DYNC2H1: variants seen among roughly 807,000 people sequenced by gnomAD.
DYNC2H1 encodes the protein dynein cytoplasmic 2 heavy chain 1.
A neutral mutation model predicts 570.0 loss-of-function variants in DYNC2H1; 410 were observed. That is an observed-to-expected ratio of 0.72 (90% CI 0.66 to 0.78). The LOEUF is 0.78. Ranked by LOEUF, DYNC2H1 falls within the 30% of genes least tolerant of loss-of-function variation. The pLI, the probability that DYNC2H1 is intolerant of heterozygous loss-of-function variation, is 0.00. For synonymous variants in DYNC2H1, 1,688 were observed against 1,677.6 expected (o/e 1.01, Z -0.15); for missense variants, 4,865 against 5,046.4 (o/e 0.96, Z 1.09).
chr11:103,317,108 TCTAAA>T lies in DYNC2H1; in HGVS notation c.11725+489_11725+493del, dbSNP rs374529921. 1.4e-4 allele frequency among the ~76,000 whole-genome samples: 21 copies of T among 152,214 alleles called. No individual in the cohort carries two copies. The East Asian group carries it at 3.9e-3, about 28-fold the overall frequency. ...CCTTGAAAACAGGAACAGTCTAATC[TCTAAA>T]GTTTATTGTGCAGGGCGAAGGGAGG... On this transcript the variant is annotated intron_variant, in intron 80 of 88. Transcript: ENST00000375735.
intron 38 of DYNC2H1, among the ~76,000 whole-genome samples, chr11:103,178,472 C>T (rs530188226): frequency 2.0e-5 from 3 of 152,190 alleles, no homozygotes; most frequent in African/African-American, 4.8e-5. Flanking sequence ...ACACTTTTAT[C>T]AGTGAAATTT....
Position 103,153,485 on chromosome 11 carries a change from T to C in DYNC2H1, c.3279T>C (p.Leu1093=). ...IKEKKIEFDD[L]EVTRKKLVDD... ...AGAAAAAAATTGAGTTTGATGATCT[T>C]GAAGTCACAAGAAAAAAGCTGGTGT... The change falls in exon 22 of 89, where the codon CTT becomes CTC. Residue 1093 remains leucine, a synonymous_variant. Transcript: ENST00000375735. 1 of 1,561,866 alleles carries C rather than the reference T, an allele frequency of 6.4e-7. No individual in the cohort carries two copies. The highest frequency in any genetic ancestry group is 8.6e-7 in the Non-Finnish European group (1 of 1,156,640).
rs1185710610 is a variant in DYNC2H1, at chr11:103,323,396, C to T, written c.11935-490C>T. On this transcript the variant is annotated intron_variant, in intron 81 of 88. Transcript: ENST00000375735. ...AATTGCTCTATTATAAAGCAATTTACAAAGCAGTGCTTCTACACGTTTACA... is the reference window on the plus strand; with the variant it reads ...AATTGCTCTATTATAAAGCAATTTATAAAGCAGTGCTTCTACACGTTTACA... Among the ~76,000 whole-genome samples the T allele has an allele frequency of 2.6e-5, 3 of 116,790 alleles. No homozygotes were observed. The Admixed American group carries it at 2.7e-4, about 11-fold the overall frequency. The allele number at this position is 116,790 out of a possible 152,430, so 76.6% of individuals were successfully genotyped here. A position where few individuals can be genotyped will look rare whatever the true frequency, so the allele number is the denominator to read the frequency against.
At chr11:103,114,307 A>G in intron 3 of DYNC2H1, 69 bp downstream of exon 3, 3 of 1,398,278 alleles carry the variant, frequency 2.1e-6, no homozygotes, top group Non-Finnish European at 1.9e-6. Context: ...GTAAATGAAC[A>G]TATTTCTTCA....
intron 84 of DYNC2H1, chr11:103,406,733 T>C (rs1459771428): frequency 6.6e-6 from 1 of 151,972 alleles, no homozygotes; most frequent in Non-Finnish European, 1.5e-5. Flanking sequence ...TGTGTAGCTG[T>C]GTTTGATTAA....
Position 103,478,677 on chromosome 11 carries a change from AC to A in DYNC2H1, c.12766-417del, listed in dbSNP as rs572165533. ...TTTAGGAGACTTAAGAGACATTTCA[AC>A]AAACTGCAAAGCATAGGCTTCATTT... is the stretch of plus-strand genomic sequence containing the variant. On this transcript the variant is annotated intron_variant, in intron 88 of 88. Transcript: ENST00000375735. Among the ~76,000 whole-genome samples the A allele has an allele frequency of 2.6e-4, 39 of 152,362 alleles. No individual in the cohort carries two copies. The South Asian group carries it at 4.3e-3, about 17-fold the overall frequency.
chr11:103,409,062 T>G (rs1229245653), intron 84 of DYNC2H1, among the ~76,000 whole-genome samples: 4 of 152,050 alleles, frequency 2.6e-5, no homozygotes, highest in African/African-American at 7.2e-5. Flanking sequence ...CTTTGCACAG[T>G]CAGGATACCA....
chr11:103,311,887 G>A lies in DYNC2H1; in HGVS notation c.11503G>A (p.Gly3835Ser), dbSNP rs1867604783. Residue 3835 changes from glycine to serine, a missense_variant, in exon 79 of 89, where the codon GGT (glycine) becomes AGT (serine). Physicochemically the swap from Gly to Ser is moderately conservative, Grantham distance 56 (BLOSUM62 0). This residue lies in a region of DYNC2H1 where 2,401 missense variants were observed against 2,454.6 expected (regional missense o/e 0.98). Coordinates refer to ENST00000375735, the MANE Select transcript of DYNC2H1 (RefSeq NM_001377.3). ...SLKITYESPP[G>S]LKKNLMRTYE... Reference sequence around the variant, plus strand: ...TTGATTTTTTTTCTAGTCACCTCCAGGTTTAAAGAAGAATTTAATGCGTAC... The same window carrying A: ...TTGATTTTTTTTCTAGTCACCTCCAAGTTTAAAGAAGAATTTAATGCGTAC... The A allele has an allele frequency of 6.2e-7, 1 of 1,607,502 alleles. No individual in the cohort carries two copies. Among genetic ancestry groups the A allele is most frequent in the African/African-American group, 1.3e-5 (1 of 74,614 alleles).
chr11:103,460,316 A>G (rs1470012645), intron 87 of DYNC2H1, among the ~76,000 whole-genome samples: 3 of 151,530 alleles, frequency 2.0e-5, no homozygotes, highest in African/African-American at 7.3e-5. Flanking sequence ...TTATAGCATC[A>G]TTTTTTAATT....
In DYNC2H1 at chr11:103,163,149, TA is replaced by T. The variant is rs764775047; in HGVS notation, c.4611+4del. 6.8e-6 allele frequency: 11 copies of T among 1,607,848 alleles called. No homozygotes were observed. The South Asian group carries it at 1.2e-4, about 18-fold the overall frequency. ...GACCCATCTCTGTTCCCTTCACAGG[TA>T]AGGGGGCTTACGTGTAGAAGCTACA... On this transcript the variant is annotated splice_donor_region_variant and intron_variant, in intron 30 of 88. Coordinates refer to ENST00000375735, the MANE Select transcript of DYNC2H1 (RefSeq NM_001377.3). The surrounding 1 kb of genome is among the most constrained non-coding windows in gnomAD (Gnocchi z 4.6).
chr11:103,427,225 T>C (rs1943705222), intron 84 of DYNC2H1, among the ~76,000 whole-genome samples: 1 of 152,168 alleles, frequency 6.6e-6, no homozygotes, highest in Non-Finnish European at 1.5e-5. Flanking sequence ...GAAAACAATG[T>C]ACAAATAATC....
chr11:103,129,159 T>G lies in DYNC2H1; in HGVS notation c.1953+154T>G, dbSNP rs1246223548. ...TTCAATCTTAGCAAGTAAAATTATT[T>G]TTTCTAACTGTAGGTTTAAGTGGTT... On this transcript the variant is annotated intron_variant, in intron 13 of 88. Coordinates refer to ENST00000375735, the MANE Select transcript of DYNC2H1 (RefSeq NM_001377.3). This position sits in a 1 kb window ranked among gnomAD's most constrained non-coding sequence, Gnocchi z 4.1. Among the ~76,000 whole-genome samples the G allele has an allele frequency of 1.3e-5, 2 of 152,246 alleles. No homozygotes were observed. The highest frequency in any genetic ancestry group is 2.9e-5 in the Non-Finnish European group (2 of 68,042).
In DYNC2H1 at chr11:103,268,245, T is replaced by G. The variant is rs1307357782; in HGVS notation, c.10695+8268T>G. Among the ~76,000 whole-genome samples, 1 of 152,058 alleles carries G rather than the reference T, an allele frequency of 6.6e-6. No homozygotes were observed. Among genetic ancestry groups the G allele is most frequent in the Non-Finnish European group, 1.5e-5 (1 of 67,922 alleles). ...TATCTTTATCTCCTTTGTTGCACCTTATCAACCCAGGATGTTATCAGTCCT... is the reference window on the plus strand; with the variant it reads ...TATCTTTATCTCCTTTGTTGCACCTGATCAACCCAGGATGTTATCAGTCCT... On this transcript the variant is annotated intron_variant, in intron 70 of 88. Transcript: ENST00000375735. The surrounding 1 kb of genome is among the most constrained non-coding windows in gnomAD (Gnocchi z 4.6).
intron 17 of DYNC2H1, among the ~76,000 whole-genome samples, chr11:103,139,829 A>G (rs928555543): frequency 6.6e-6 from 1 of 152,052 alleles, no homozygotes; most frequent in Non-Finnish European, 1.5e-5. Context: ...AAAGTCTTCC[A>G]TTATTATTGT....
chr11:103,451,062 T>C (rs1214137378), intron 85 of DYNC2H1, among the ~76,000 whole-genome samples: 1 of 152,164 alleles, frequency 6.6e-6, no homozygotes, highest in African/African-American at 2.4e-5. Context: ...AATCAGCTAA[T>C]TTCCTAAACA....
At chr11:103,193,631 C>G (rs1862405511) in intron 47 of DYNC2H1, among the ~76,000 whole-genome samples, 1 of 151,998 alleles carries the variant, frequency 6.6e-6, no homozygotes, top group African/African-American at 2.4e-5. Flanking sequence ...GCAACCTCCG[C>G]CTCCCGGGTT....
chr11:103,423,659 C>T (rs1350068375), intron 84 of DYNC2H1, among the ~76,000 whole-genome samples: 1 of 151,628 alleles, frequency 6.6e-6, no homozygotes, highest in Non-Finnish European at 1.5e-5. Context: ...AAGCAAGCCA[C>T]AGAATAGGAG....
chr11:103,458,458 C>CA (rs1041332370), intron 87 of DYNC2H1, among the ~76,000 whole-genome samples: 6 of 150,418 alleles, frequency 4.0e-5, no homozygotes, highest in East Asian at 1.9e-4. Context: ...TTCCAAAATT[C>CA]AAAAAAAAAT....
intron 70 of DYNC2H1, among the ~76,000 whole-genome samples, chr11:103,278,504 G>A (rs2135330701): frequency 6.6e-6 from 1 of 152,274 alleles, no homozygotes; most frequent in East Asian, 1.9e-4. Context: ...AGGTCACCTG[G>A]CTAGTAAAAT....
Sources: gnomAD v4.1 joint callset for allele counts (sites outside exome capture counted in the v4.1 genomes callset) on GRCh38, gnomAD v4.1.1 for gene constraint, gnomAD v4.1.1 regional missense constraint, Gnocchi (gnomAD v3.1) non-coding constraint, MANE v1.5 for transcripts, NCBI Gene and HGNC (gene_info 2026-07-23, HGNC 2026-07-21) for gene names.